The following YLPM1 variants were observed in gnomAD, a reference collection of about 807,000 sequenced individuals.
YLPM1 encodes YLP motif containing 1.
YLPM1 carries 99 observed loss-of-function variants against 230.0 expected under a neutral mutation model. The observed-to-expected ratio is 0.43, with a 90% CI of 0.37 to 0.51. The LOEUF (loss-of-function observed/expected upper bound fraction) is 0.51. Ranked by LOEUF, YLPM1 falls within the 20% of genes least tolerant of loss-of-function variation. The pLI is 0.00. For missense variants in YLPM1, 2,592 were observed against 2,707.7 expected, an observed-to-expected ratio of 0.96 and a Z score of 0.95; for synonymous variants, 984 against 942.5, an observed-to-expected ratio of 1.04 and a Z score of -0.81.
chr14:74,793,044 T>G (rs1176114967), intron 4 of YLPM1, among the ~76,000 whole-genome samples: 1 of 152,226 alleles, frequency 6.6e-6, no homozygotes, highest in Non-Finnish European at 1.5e-5. Flanking sequence ...TCTATCACAT[T>G]GTGTAGGTGT....
chr14:74,793,087 ACCT>A (rs1339383740), intron 4 of YLPM1, among the ~76,000 whole-genome samples: 1 of 151,818 alleles, frequency 6.6e-6, no homozygotes, highest in African/African-American at 2.4e-5. Flanking sequence ...TGTTTTGGTG[ACCT>A]CCTCTCTCCC....
chr14:74,782,674 T>A (rs117783490), intron 4 of YLPM1, among the ~76,000 whole-genome samples: 1 of 152,338 alleles, frequency 6.6e-6, no homozygotes, highest in Non-Finnish European at 1.5e-5. Flanking sequence ...GAATTGGCAA[T>A]TACTATTTGT....
In YLPM1 at chr14:74,821,040, T is replaced by A; in HGVS notation, c.6031-17T>A. The A allele has an allele frequency of 6.9e-7, 1 of 1,453,430 alleles. No individual in the cohort carries two copies. The highest frequency in any genetic ancestry group is 1.5e-5 in the South Asian group (1 of 65,294). The allele number at this position is 1,453,430 out of a possible 1,614,324, so 90.0% of individuals were successfully genotyped here. ...TGTTAACTCAGTCTTTTTTTTTTTT[T>A]TTAATGGTTGGTATAGGTAGAGATG... On this transcript the variant is annotated splice_polypyrimidine_tract_variant and intron_variant, in intron 16 of 20. Coordinates refer to ENST00000325680, the MANE Select transcript of YLPM1 (RefSeq NM_019589.3).
intron 4 of YLPM1, among the ~76,000 whole-genome samples, chr14:74,792,460 CCT>C (rs2091216655): frequency 6.6e-6 from 1 of 152,148 alleles, no homozygotes; most frequent in African/African-American, 2.4e-5. Context: ...GAGAGCTAAT[CCT>C]CTCTCTGTGC....
rs963431423 is a variant in YLPM1, at chr14:74,781,783, TTC to T, written c.1748_1749del (p.Ser583PhefsTer84). 1.2e-6 allele frequency: 2 copies of T among 1,606,234 alleles called. No individual in the cohort carries two copies. Among genetic ancestry groups the T allele is most frequent in the Non-Finnish European group, 1.7e-6 (2 of 1,178,068 alleles). On this transcript the variant is annotated frameshift_variant, in exon 4 of 21. Coordinates refer to ENST00000325680, the MANE Select transcript of YLPM1 (RefSeq NM_019589.3). LOFTEE classifies it high-confidence loss of function. The stretch of plus-strand genomic sequence containing the variant: ...CTGTTCCCCCACCAGGGATGCCTCC[TTC>T]TCTCTCTTCTGCAGGGCCACCACCA... ...TSVPPPGMPP[S>X]LSSAGPPPVL...
chr14:74,787,792 A>G (rs1235311722), intron 4 of YLPM1, among the ~76,000 whole-genome samples: 1 of 152,118 alleles, frequency 6.6e-6, no homozygotes, highest in African/African-American at 2.4e-5. Flanking sequence ...AGGCGAGCGG[A>G]TCACTTGAGG....
At chr14:74,820,885 C>G (rs911590077) in intron 16 of YLPM1, among the ~76,000 whole-genome samples, 172 bp from the exon 17 acceptor site, 3 of 152,100 alleles carry the variant, frequency 2.0e-5, no homozygotes, top group African/African-American at 4.8e-5. Flanking sequence ...CAGTAGTATC[C>G]TGTCTTTTAT....
chr14:74,788,322 G>T, intron 4 of YLPM1, among the ~76,000 whole-genome samples: 1 of 151,992 alleles, frequency 6.6e-6, no homozygotes, highest in African/African-American at 2.4e-5. Context: ...GGGTTTCACC[G>T]TGTTAGCCAG....
In YLPM1 at chr14:74,797,905, A is replaced by T. The variant is rs1230717081; in HGVS notation, c.2608A>T (p.Ser870Cys). Residue 870 changes from serine (S) to cysteine (C), a missense_variant, in exon 5 of 21, where the codon AGT becomes TGT. Coordinates refer to ENST00000325680, the MANE Select transcript of YLPM1 (RefSeq NM_019589.3). ...AAACAAAGAACCATTAGCAGACACC[A>T]GTAGTAACCAGCAGAAGAATTTTAA... ...SGNKEPLADT[S>C]SNQQKNFKMQ... The T allele has an allele frequency of 6.2e-7, 1 of 1,613,812 alleles. No individual in the cohort carries two copies. Among genetic ancestry groups the T allele is most frequent in the Non-Finnish European group, 8.5e-7 (1 of 1,179,878 alleles).
intron 1 of YLPM1, among the ~76,000 whole-genome samples, chr14:74,776,699 T>A (rs1263982955): frequency 6.6e-6 from 1 of 152,164 alleles, no homozygotes; most frequent in Non-Finnish European, 1.5e-5. Flanking sequence ...AGGGGACTCA[T>A]GTTTTTCACT....
At chr14:74,821,193 A>G (rs1218387901) in intron 17 of YLPM1, 56 bp downstream of exon 17, 1 of 1,502,158 alleles carries the variant, frequency 6.7e-7, no homozygotes, top group Non-Finnish European at 8.9e-7. Context: ...TTCTTAAAGA[A>G]GGTTTAAATT....
chr14:74,810,260 A>G lies in YLPM1; in HGVS notation c.5068A>G (p.Arg1690Gly), dbSNP rs1471254214. 9 of 1,613,842 alleles carry G rather than the reference A, an allele frequency of 5.6e-6. No homozygotes were observed. Among genetic ancestry groups the G allele is most frequent in the African/African-American group, 1.3e-5 (1 of 74,908 alleles). Residue 1690 changes from arginine (R) to glycine (G), a missense_variant, in exon 9 of 21, where the codon AGA becomes GGA. Physicochemically the swap from Arg to Gly is moderately radical, Grantham distance 125. This residue lies in a region of YLPM1 where 403 missense variants were observed against 426.7 expected (regional missense o/e 0.94). Transcript: ENST00000325680. Reference protein sequence around the residue: ...AGQRDRYDRERDREPYFDRQS... With the variant: ...AGQRDRYDREGDREPYFDRQS... ...CCAACGTGATCGTTATGATAGAGAAAGAGATCGTGAGCCTTATTTTGATCG... is the reference window on the plus strand; with the variant it reads ...CCAACGTGATCGTTATGATAGAGAAGGAGATCGTGAGCCTTATTTTGATCG...
At chr14:74,811,823 T>C in intron 10 of YLPM1, 85 bp downstream of exon 10, 1 of 972,286 alleles carries the variant, frequency 1.0e-6, no homozygotes, top group Non-Finnish European at 1.5e-6. Context: ...AATTTAAACT[T>C]TTAGAGTAAA....
chr14:74,812,820 A>G, intron 11 of YLPM1, 38 bp downstream of exon 11: 5 of 1,583,412 alleles, frequency 3.2e-6, no homozygotes, highest in Non-Finnish European at 4.3e-6. Context: ...CGTGCAAACC[A>G]GAAGATAAGA....
Position 74,816,969 on chromosome 14 carries a change from T to A in YLPM1, c.5724T>A (p.Thr1908=). The change falls in exon 14 of 21, where the codon ACT becomes ACA. Residue 1908 remains threonine (T), a synonymous_variant. Coordinates refer to ENST00000325680, the MANE Select transcript of YLPM1 (RefSeq NM_019589.3). Reference sequence around the variant, plus strand: ...AATATGAAGCTGAGATGGAGGAGACTTACCGCACCAGCATGTTCAAAACTT... The same window carrying A: ...AATATGAAGCTGAGATGGAGGAGACATACCGCACCAGCATGTTCAAAACTT... ...EYEYEAEMEE[T]YRTSMFKTFK... 1 of 1,601,622 alleles carries A rather than the reference T, an allele frequency of 6.2e-7. No individual in the cohort carries two copies.
chr14:74,778,365 A>T (rs1566740418), intron 1 of YLPM1, 82 bp from the exon 2 acceptor site: 1 of 1,229,296 alleles, frequency 8.1e-7, no homozygotes, highest in Non-Finnish European at 1.1e-6. Flanking sequence ...GAACACAGAC[A>T]TAAAGATAGG....
chr14:74,826,759 C>T (rs1026300993), intron 18 of YLPM1, among the ~76,000 whole-genome samples: 5 of 152,224 alleles, frequency 3.3e-5, no homozygotes, highest in African/African-American at 1.2e-4. Context: ...TTCAGTCCCA[C>T]CAGACTGGTT....
Position 74,797,673 on chromosome 14 carries a change from G to A in YLPM1, c.2376G>A (p.Gly792=), listed in dbSNP as rs891463496. 1.9e-6 allele frequency: 3 copies of A among 1,609,232 alleles called. No individual in the cohort carries two copies. The highest frequency in any genetic ancestry group is 2.5e-6 in the Non-Finnish European group (3 of 1,177,292). The change falls in exon 5 of 21, where the codon GGG becomes GGA. Residue 792 remains glycine (G), a synonymous_variant. Coordinates refer to ENST00000325680, the MANE Select transcript of YLPM1 (RefSeq NM_019589.3). ...GPRFEGNRPD[G]PRPRYEGHPA... Reference sequence around the variant, plus strand: ...GTTTTGAAGGAAATCGCCCCGATGGGCCAAGACCCAGATATGAAGGTCACC... The same window carrying A: ...GTTTTGAAGGAAATCGCCCCGATGGACCAAGACCCAGATATGAAGGTCACC...
At chr14:74,804,937 C>G (rs760154241) in intron 6 of YLPM1, among the ~76,000 whole-genome samples, 3 of 151,510 alleles carry the variant, frequency 2.0e-5, no homozygotes, top group Admixed American at 2.0e-4. Flanking sequence ...GAATTTGTTT[C>G]TAATCTTTCA....
Sources: allele counts gnomAD v4.1 joint callset (sites outside exome capture counted in the v4.1 genomes callset), GRCh38; gene constraint gnomAD v4.1.1; regional missense constraint gnomAD v4.1.1; transcripts MANE v1.5; gene names NCBI Gene and HGNC (gene_info 2026-07-23, HGNC 2026-07-21).